Variants in ARPC1B observed in about 807,000 individuals in gnomAD.
ARPC1B encodes the protein actin related protein 2/3 complex subunit 1B.
Under a neutral mutation model 46.0 loss-of-function variants are expected in ARPC1B, and 29 were observed. The ratio of observed to expected loss-of-function variants is 0.63; its 90% CI spans 0.47 to 0.86. The LOEUF (loss-of-function observed/expected upper bound fraction) is 0.86. Ranked by LOEUF, ARPC1B falls within the 40% of genes least tolerant of loss-of-function variation. ARPC1B has a pLI of 0.00. For missense variants in ARPC1B, 469 were observed against 529.4 expected (o/e 0.89, Z 1.12); for synonymous variants, 201 against 213.9 (o/e 0.94, Z 0.53).
chr7:99,385,640 T>G, intron 1 of ARPC1B, 62 bp from the exon 2 acceptor site: 1 of 1,418,690 alleles, frequency 7.0e-7, no homozygotes, highest in Non-Finnish European at 9.7e-7. Context: ...GGGCCTGGTA[T>G]GGGTGAAGTC....
chr7:99,391,076 G>A lies in ARPC1B; in HGVS notation c.684G>A (p.Leu228=). Residue 228 remains leucine (L), a synonymous_variant, in exon 6 of 10, where the codon CTG becomes CTA. Transcript: ENST00000646101. ...TAAGCCACGACAGCACCGTCTGCCT[G>A]GCTGATGCCGACAAGAAGATGGCGT... ...AWVSHDSTVC[L]ADADKKMAVA... The A allele has an allele frequency of 6.2e-7, 1 of 1,613,702 alleles. No homozygotes were observed. Among genetic ancestry groups the A allele is most frequent in the African/African-American group, 1.3e-5 (1 of 75,066 alleles).
At chr7:99,378,955 T>C (rs1331945492) in intron 1 of ARPC1B, among the ~76,000 whole-genome samples, 2 of 151,706 alleles carry the variant, frequency 1.3e-5, no homozygotes, top group African/African-American at 2.4e-5. Context: ...TTTTTTGTAT[T>C]TTTAGTAGAG....
rs1315422074 is a variant in ARPC1B at position 99,388,073 on chromosome 7, G to A, written c.204G>A (p.Val68=). The part of the protein sequence containing the change: ...IDWAPESNRI[V]TCGTDRNAYV... ...GGGCCCCCGAGAGTAACCGTATTGT[G>A]ACCTGCGGCACAGACCGCAACGCCT... Residue 68 remains valine, a synonymous_variant, in exon 4 of 10, where the codon GTG becomes GTA. Transcript: ENST00000646101. 3 of 1,611,820 alleles carry A rather than the reference G, an allele frequency of 1.9e-6. No homozygotes were observed. The highest frequency in any genetic ancestry group is 2.7e-5 in the African/African-American group (2 of 74,826).
At chr7:99,384,881 G>C (rs1464792756) in intron 1 of ARPC1B, among the ~76,000 whole-genome samples, 1 of 133,894 alleles carries the variant, frequency 7.5e-6, no homozygotes, top group Non-Finnish European at 1.6e-5. Flanking sequence ...TTTTTTTTCT[G>C]AGATGAGTCT....
rs774064909 is a variant in ARPC1B at position 99,389,939 on chromosome 7, TCCA to T, written c.430_432del (p.Thr144del). The stretch of plus-strand genomic sequence containing the variant: ...CAAGCACATCAAGAAGCCCATCCGC[TCCA>T]CCGTCCTCAGCCTGGACTGGCACCC... On this transcript the variant is annotated inframe_deletion, in exon 5 of 10. Coordinates refer to ENST00000646101, the MANE Select transcript of ARPC1B (RefSeq NM_005720.4). 6.2e-7 allele frequency: 1 copy of T among 1,613,982 alleles called. No individual in the cohort carries two copies. Among genetic ancestry groups the T allele is most frequent in the African/African-American group, 1.3e-5 (1 of 74,882 alleles).
intron 1 of ARPC1B, among the ~76,000 whole-genome samples, chr7:99,378,361 TG>T (rs1562809953): frequency 6.7e-6 from 1 of 150,144 alleles, no homozygotes; most frequent in Non-Finnish European, 1.5e-5. Flanking sequence ...GCGTGAGCCA[TG>T]GCACCCCACC....
chr7:99,392,724 G>A lies in ARPC1B; in HGVS notation c.837G>A (p.Leu279=), dbSNP rs372613700. Reference sequence around the variant, plus strand: ...CCTATGACGCCGCCGCGGGGATGCTGAGCTTCGGCGGGCGGCTGGACGTTC... The same window carrying A: ...CCTATGACGCCGCCGCGGGGATGCTAAGCTTCGGCGGGCGGCTGGACGTTC... ...LFTYDAAAGM[L]SFGGRLDVPK... is the part of the protein sequence containing the mutation. The change falls in exon 8 of 10, where the codon CTG becomes CTA. Residue 279 remains leucine (L), a synonymous_variant. Transcript: ENST00000646101. 2 of 1,548,040 alleles carry A rather than the reference G, an allele frequency of 1.3e-6. No homozygotes were observed. Among genetic ancestry groups the A allele is most frequent in the Non-Finnish European group, 1.7e-6 (2 of 1,145,422 alleles).
At chr7:99,374,649 C>T (rs889882859), upstream of ARPC1B, 1 of 152,078 alleles carries the variant, frequency 6.6e-6, no homozygotes, top group African/African-American at 2.4e-5. The surrounding 1 kb of genome is among the most constrained non-coding windows in gnomAD (Gnocchi z 5.0). Context: ...CAGGTCCCCG[C>T]CCCCGGGCCC....
chr7:99,381,822 T>C (rs1794233984), intron 1 of ARPC1B, among the ~76,000 whole-genome samples: 1 of 152,196 alleles, frequency 6.6e-6, no homozygotes. Context: ...GCCTTTCCCT[T>C]GTGCCTGGGC....
At chr7:99,377,635 T>TTCTTC in intron 1 of ARPC1B, among the ~76,000 whole-genome samples, 1 of 149,870 alleles carries the variant, frequency 6.7e-6, no homozygotes, top group African/African-American at 2.5e-5. Context: ...TCTTCTTCTT[T>TTCTTC]TTTTTTTTTA....
chr7:99,394,405 CTG>C, intron 9 of ARPC1B, 44 bp from the exon 10 acceptor site: 4 of 1,540,474 alleles, frequency 2.6e-6, no homozygotes, highest in Non-Finnish European at 3.6e-6. Flanking sequence ...AGTGGGGTGC[CTG>C]CAGGACAGCT....
At chr7:99,390,706 T>A in intron 5 of ARPC1B, among the ~76,000 whole-genome samples, 187 bp from the exon 6 acceptor site, 1 of 151,374 alleles carries the variant, frequency 6.6e-6, no homozygotes, top group Admixed American at 6.6e-5. Flanking sequence ...AAAAAAATTT[T>A]TTTTTTTTTT....
intron 8 of ARPC1B, 67 bp downstream of exon 8, chr7:99,392,943 G>A: frequency 6.9e-7 from 1 of 1,450,606 alleles, no homozygotes; most frequent in Non-Finnish European, 9.2e-7. Context: ...CGTCGGGTGA[G>A]GAAGGGGCCT....
upstream of ARPC1B, chr7:99,374,571 C>T (rs1023036197): frequency 1.3e-5 from 2 of 152,166 alleles, no homozygotes; most frequent in Non-Finnish European, 2.9e-5. The surrounding 1 kb of genome is among the most constrained non-coding windows in gnomAD (Gnocchi z 5.0). Flanking sequence ...GCTCCGACGT[C>T]TGCGCGGGTA....
At chr7:99,392,931 A>G in intron 8 of ARPC1B, 55 bp downstream of exon 8, 1 of 1,482,426 alleles carries the variant, frequency 6.7e-7, no homozygotes, top group Middle Eastern at 2.0e-4. Flanking sequence ...GCCCAGAAAC[A>G]GCGTCGGGTG....
At position 99,389,999 on chromosome 7, in the gene ARPC1B, G is replaced by T; in HGVS notation, c.487G>T (p.Asp163Tyr). ...TGTGCTGCTGGCTGCCGGCTCCTGT[G>T]ACTTCAAGTGTCGGTGAGACAGGGC... ...NNVLLAAGSC[D>Y]FKCRIFSAYI... The change falls in exon 5 of 10, where the codon GAC becomes TAC. Residue 163 changes from aspartate to tyrosine, a missense_variant. Transcript: ENST00000646101. The T allele has an allele frequency of 6.2e-7, 1 of 1,614,052 alleles. No homozygotes were observed. Among genetic ancestry groups the T allele is most frequent in the Non-Finnish European group, 8.5e-7 (1 of 1,179,984 alleles).
chr7:99,386,839 G>T lies in ARPC1B; in HGVS notation c.169+50G>T, dbSNP rs765573430. On this transcript the variant is annotated intron_variant, in intron 3 of 9. Transcript: ENST00000646101. ...CGTCCTGAAAGGAGGTGGTGGGTTG[G>T]GGGGGTGGTGCAAGGCAGGGCATGG... 13 of 1,450,394 alleles carry T rather than the reference G, an allele frequency of 9.0e-6. No individual in the cohort carries two copies. In the African/African-American group the frequency reaches 1.1e-4, roughly 13 times the overall value. The allele number at this position is 1,450,394 out of a possible 1,614,324, so 89.8% of individuals were successfully genotyped here.
chr7:99,383,124 C>T (rs945379078), intron 1 of ARPC1B, among the ~76,000 whole-genome samples: 9 of 152,180 alleles, frequency 5.9e-5, no homozygotes, highest in Admixed American at 2.6e-4. Flanking sequence ...GGATTACAGG[C>T]ATGAGCCACC....
At chr7:99,376,315 T>TAA (rs1432849551) in intron 1 of ARPC1B, 2 of 152,186 alleles carry the variant, frequency 1.3e-5, no homozygotes, top group Admixed American at 6.5e-5. Flanking sequence ...CAACTTTCCT[T>TAA]ATCTGGAAAA....
Sources: allele counts gnomAD v4.1 joint callset (sites outside exome capture counted in the v4.1 genomes callset), GRCh38; gene constraint gnomAD v4.1.1; non-coding constraint Gnocchi (gnomAD v3.1); transcripts MANE v1.5; gene names NCBI Gene and HGNC (gene_info 2026-07-23, HGNC 2026-07-21).